The following ACER1 variants were observed in gnomAD, a reference collection of about 807,000 sequenced individuals.
The protein encoded by ACER1 is alkaline ceramidase 1.
Under a neutral mutation model 24.9 loss-of-function variants are expected in ACER1, and 28 were observed. The ratio of observed to expected loss-of-function variants is 1.13; its 90% CI spans 0.83 to 1.54. The LOEUF (loss-of-function observed/expected upper bound fraction) is 1.54. Among genes scored for constraint, ACER1 ranks in the 40% most tolerant of loss-of-function variants. The pLI is 0.00. For missense variants in ACER1, 352 were observed against 349.3 expected (o/e 1.01, Z -0.06); for synonymous variants, 132 against 131.4 (o/e 1.00, Z -0.03).
At chr19:6,308,010 G>T (rs1041440992) in intron 4 of ACER1, among the ~76,000 whole-genome samples, 2 of 151,830 alleles carry the variant, frequency 1.3e-5, no homozygotes, top group Non-Finnish European at 2.9e-5. Context: ...TTGAACCCAA[G>T]AGGCGGAGGT....
At chr19:6,312,576 A>G in intron 1 of ACER1, 77 bp from the exon 2 acceptor site, 2 of 1,151,138 alleles carry the variant, frequency 1.7e-6, no homozygotes, top group African/African-American at 1.5e-5. Context: ...CCAGACACTC[A>G]GTCACCAGCC....
At chr19:6,309,484 T>G (rs1307424033) in intron 4 of ACER1, among the ~76,000 whole-genome samples, 1 of 151,874 alleles carries the variant, frequency 6.6e-6, no homozygotes, top group Admixed American at 6.6e-5. Flanking sequence ...ATCACGCCCC[T>G]GCACTCCAGC....
At chr19:6,326,767 C>T (rs57253260) in intron 1 of ACER1, among the ~76,000 whole-genome samples, 2,606 of 152,086 alleles carry the variant, frequency 0.017, 79 homozygotes, top group African/African-American at 0.059. Context: ...CATCCAGCAG[C>T]GGTGGGTTTA....
At chr19:6,344,468 A>C in the ACER1 span, among the ~76,000 whole-genome samples, 1 of 151,912 alleles carries the variant, frequency 6.6e-6, no homozygotes. Flanking sequence ...TTATTTATTT[A>C]TTAAATAAAG....
the ACER1 span, among the ~76,000 whole-genome samples, chr19:6,340,612 T>C: frequency 6.6e-6 from 1 of 152,158 alleles, no homozygotes; most frequent in Non-Finnish European, 1.5e-5. Flanking sequence ...GGCCCCTTTC[T>C]GCTCATAGCT....
intron 1 of ACER1, among the ~76,000 whole-genome samples, chr19:6,324,350 T>C (rs1280082227): frequency 6.7e-6 from 1 of 149,242 alleles, no homozygotes; most frequent in Non-Finnish European, 1.5e-5. Flanking sequence ...GGCCTCTTTT[T>C]AATTTTTTTT....
chr19:6,359,319 A>ATT, the ACER1 span, among the ~76,000 whole-genome samples: 8,169 of 140,700 alleles, frequency 0.058, 344 homozygotes, highest in African/African-American at 0.12. Context: ...ATCTGCTGTG[A>ATT]TTTTTTTTTT....
chr19:6,337,661 CTTT>C (rs1192304687), upstream of ACER1, among the ~76,000 whole-genome samples: 173 of 25,786 alleles, frequency 6.7e-3, no homozygotes, highest in African/African-American at 0.025. Flanking sequence ...TTCTTTCTTT[CTTT>C]TTTTTTTTTT....
At chr19:6,349,239 A>G in the ACER1 span, among the ~76,000 whole-genome samples, 2 of 151,286 alleles carry the variant, frequency 1.3e-5, no homozygotes, top group Admixed American at 1.3e-4. Flanking sequence ...CGCTTTGAGA[A>G]GCAGAGGCAG....
At chr19:6,336,027 A>C (rs1006382251), upstream of ACER1, among the ~76,000 whole-genome samples, 1 of 151,434 alleles carries the variant, frequency 6.6e-6, no homozygotes, top group Non-Finnish European at 1.5e-5. Flanking sequence ...CAGCCTCCCA[A>C]GTAGCTGGAT....
upstream of ACER1, among the ~76,000 whole-genome samples, chr19:6,336,393 A>G (rs1302973534): frequency 6.6e-6 from 1 of 152,196 alleles, no homozygotes; most frequent in Non-Finnish European, 1.5e-5. Flanking sequence ...TTAGGAAGTG[A>G]TAGAGACAGG....
chr19:6,341,569 AACTAT>A, the ACER1 span, among the ~76,000 whole-genome samples: 1 of 150,932 alleles, frequency 6.6e-6, no homozygotes, highest in Admixed American at 6.6e-5. Flanking sequence ...AGAAAAAAGG[AACTAT>A]ACCCATCTTA....
chr19:6,355,567 G>C, the ACER1 span, among the ~76,000 whole-genome samples: 1 of 151,470 alleles, frequency 6.6e-6, no homozygotes, highest in Admixed American at 6.6e-5. Context: ...CCCCACCCGG[G>C]AGGGAGGTGG....
At chr19:6,327,534 C>A (rs2091667243) in intron 1 of ACER1, among the ~76,000 whole-genome samples, 1 of 151,708 alleles carries the variant, frequency 6.6e-6, no homozygotes, top group Non-Finnish European at 1.5e-5. Context: ...CACTGCACTC[C>A]AGCCTGGGCG....
the ACER1 span, among the ~76,000 whole-genome samples, chr19:6,352,696 G>A: frequency 6.6e-6 from 1 of 152,192 alleles, no homozygotes; most frequent in Non-Finnish European, 1.5e-5. Context: ...ACAAATAACT[G>A]GAAGTGGGTT....
chr19:6,321,006 A>T (rs1600240195), intron 1 of ACER1, among the ~76,000 whole-genome samples: 2 of 150,932 alleles, frequency 1.3e-5, no homozygotes, highest in East Asian at 1.9e-4. Flanking sequence ...TTTTTTTAAC[A>T]TCCCTATTTT....
chr19:6,309,884 G>T, intron 3 of ACER1, 50 bp from the exon 4 acceptor site: 1 of 1,608,066 alleles, frequency 6.2e-7, no homozygotes, highest in Non-Finnish European at 8.5e-7. Flanking sequence ...TCCTGGGATT[G>T]TAGGCATGGT....
chr19:6,331,810 CAA>C (rs2091688570), intron 1 of ACER1, among the ~76,000 whole-genome samples: 1 of 149,796 alleles, frequency 6.7e-6, no homozygotes, highest in African/African-American at 2.5e-5. Flanking sequence ...AACAAACAAA[CAA>C]ACAAAAGAAC....
rs1568311684 is a variant in ACER1 at position 6,323,192 on chromosome 19, A to ATG, written c.93+10266_93+10267insCA. ...TCCCAGCACTTTGGGAGGCCAAGGC[A>ATG]GGCAGATCACGAAGTCAGGAGATAG... On this transcript the variant is annotated intron_variant, in intron 1 of 5. Transcript: ENST00000301452. Among the ~76,000 whole-genome samples the ATG allele has an allele frequency of 4.5e-3, 688 of 151,644 alleles. 7 individuals carry two copies. Among genetic ancestry groups the ATG allele is most frequent in the African/African-American group, 0.016 (666 of 41,436 alleles).
Sources: gnomAD v4.1 joint callset for allele counts (sites outside exome capture counted in the v4.1 genomes callset) on GRCh38, gnomAD v4.1.1 for gene constraint, MANE v1.5 for transcripts, NCBI Gene and HGNC (gene_info 2026-07-23, HGNC 2026-07-21) for gene names.